SVIL: variants seen among roughly 807,000 people sequenced by gnomAD.
SVIL encodes archvillin.
A neutral mutation model predicts 240.4 loss-of-function variants in SVIL; 101 were observed. The observed-to-expected ratio is 0.42, with a 90% CI of 0.36 to 0.50. SVIL has a LOEUF of 0.50. SVIL is among the 20% of genes least tolerant of loss of function. The pLI, the probability that SVIL is intolerant of heterozygous loss-of-function variation, is 0.01. For synonymous variants in SVIL, 999 were observed against 1,100.0 expected (o/e 0.91, Z 1.82); for missense variants, 2,512 against 2,818.7 (o/e 0.89, Z 2.46).
intron 1 of SVIL, among the ~76,000 whole-genome samples, chr10:29,570,832 T>G (rs1216863502): frequency 1.3e-5 from 2 of 152,190 alleles, no homozygotes; most frequent in African/African-American, 4.8e-5. Context: ...CTCAATTAGA[T>G]ATTTAAAGTG....
At position 29,499,203 on chromosome 10, in the gene SVIL, C is replaced by G; in HGVS notation, c.3577G>C (p.Val1193Leu). ...CTCGTCTTCCAGGCCTCCTCTCTCA[C>G]AGTGATGAGCTGCTTCCTCTCCTCA... ...TIEERKQLIT[V>L]REEAWKTRGR... is the part of the protein sequence containing the mutation. The change falls in exon 18 of 38, where the codon GTG becomes CTG. Residue 1193 changes from valine to leucine, a missense_variant. By Grantham distance (32) the Val-to-Leu change is conservative. This residue lies in a region of SVIL where 272 missense variants were observed against 406.8 expected (regional missense o/e 0.67). Transcript: ENST00000355867. 2 of 1,614,222 alleles carry G rather than the reference C, an allele frequency of 1.2e-6. No homozygotes were observed. Among genetic ancestry groups the G allele is most frequent in the Non-Finnish European group, 1.7e-6 (2 of 1,180,050 alleles).
At chr10:29,587,738 G>A (rs529755311) in intron 1 of SVIL, among the ~76,000 whole-genome samples, 5 of 152,224 alleles carry the variant, frequency 3.3e-5, no homozygotes, top group African/African-American at 1.2e-4. Context: ...TTCAATCTCC[G>A]AGACTCCCTG....
intron 1 of SVIL, chr10:29,602,356 G>A (rs773301852): frequency 3.9e-5 from 20 of 515,170 alleles, no homozygotes; most frequent in Middle Eastern, 3.2e-4. Context: ...CCAACATGCC[G>A]TACCTGCTTA....
intron 1 of SVIL, chr10:29,602,467 G>A: frequency 3.8e-6 from 1 of 263,794 alleles, no homozygotes. Context: ...AAAAGGCCTG[G>A]GCAGGTGAAG....
intron 1 of SVIL, among the ~76,000 whole-genome samples, chr10:29,717,030 C>T (rs540844960): frequency 6.6e-6 from 1 of 151,986 alleles, no homozygotes; most frequent in Non-Finnish European, 1.5e-5. Context: ...GAGATCGAGA[C>T]CATCCTGGCT....
At chr10:29,725,592 G>A (rs1238676224) in intron 1 of SVIL, among the ~76,000 whole-genome samples, 2 of 152,058 alleles carry the variant, frequency 1.3e-5, no homozygotes, top group East Asian at 1.9e-4. Context: ...CCTTCTGCAG[G>A]CCTGAAATAG....
intron 1 of SVIL, among the ~76,000 whole-genome samples, chr10:29,714,198 T>C (rs1963474445): frequency 6.6e-6 from 1 of 152,214 alleles, no homozygotes; most frequent in African/African-American, 2.4e-5. Flanking sequence ...CAGAGGGCCA[T>C]TCCTTCATTT....
intron 3 of SVIL, among the ~76,000 whole-genome samples, chr10:29,653,777 T>C (rs1304943632): frequency 1.3e-5 from 2 of 152,200 alleles, no homozygotes; most frequent in Non-Finnish European, 2.9e-5. Context: ...GTTTCCCCAG[T>C]ACAATTTGTT....
At chr10:29,559,963 C>T (rs1013203893) in intron 3 of SVIL, among the ~76,000 whole-genome samples, 2 of 152,160 alleles carry the variant, frequency 1.3e-5, no homozygotes, top group East Asian at 3.8e-4. Context: ...CTTCCATTAG[C>T]TCTAAGAAAC....
intron 1 of SVIL, among the ~76,000 whole-genome samples, chr10:29,597,798 A>G (rs571785329): frequency 3.9e-5 from 6 of 152,078 alleles, no homozygotes; most frequent in Non-Finnish European, 7.4e-5. Flanking sequence ...TTTAGGAGGC[A>G]AGGACTGAAG....
rs1408317113 is a variant in SVIL at position 29,634,499 on chromosome 10, T to C, written c.-280A>G. On this transcript the variant is annotated 5_prime_UTR_variant, in exon 1 of 38. Coordinates refer to ENST00000355867, the MANE Select transcript of SVIL (RefSeq NM_021738.3). ...CACTGCAATTCCTTATTTTTCTAATTTAAAAAACAAAACAAAACACGTTAT... is the reference window on the plus strand; with the variant it reads ...CACTGCAATTCCTTATTTTTCTAATCTAAAAAACAAAACAAAACACGTTAT... 1 of 152,204 alleles carries C rather than the reference T, an allele frequency of 6.6e-6. No homozygotes were observed. The highest frequency in any genetic ancestry group is 1.5e-5 in the Non-Finnish European group (1 of 68,040). 9.4% of individuals were successfully genotyped at this position (152,204 alleles called of 1,614,324 possible). A position where few individuals can be genotyped will look rare whatever the true frequency, so the allele number is the denominator to read the frequency against.
chr10:29,586,236 GA>G (rs1376362994), intron 1 of SVIL, among the ~76,000 whole-genome samples: 3 of 152,208 alleles, frequency 2.0e-5, no homozygotes, highest in African/African-American at 7.2e-5. Context: ...TTTGAGGAGA[GA>G]AATGTACGAT....
At chr10:29,534,419 C>T (rs1951599342) in intron 7 of SVIL, among the ~76,000 whole-genome samples, 1 of 152,142 alleles carries the variant, frequency 6.6e-6, no homozygotes, top group Admixed American at 6.5e-5. Context: ...AGGAGGCCCA[C>T]TTGAATCCAG....
intron 1 of SVIL, chr10:29,576,016 G>T: frequency 1.4e-6 from 1 of 697,646 alleles, no homozygotes; most frequent in Non-Finnish European, 1.8e-6. Context: ...CTTGCAATTG[G>T]GGTATAAATG....
chr10:29,547,017 G>A (rs1187604680), intron 6 of SVIL, among the ~76,000 whole-genome samples: 3 of 152,126 alleles, frequency 2.0e-5, no homozygotes, highest in Non-Finnish European at 4.4e-5. Context: ...CATATCAGAT[G>A]ACATTATTAT....
rs181789246 is a variant in SVIL, at chr10:29,491,481, C to T, written c.4020-462G>A. On this transcript the variant is annotated intron_variant, in intron 21 of 37. Transcript: ENST00000355867. ...CTCTTCGCTCGGCCTAAACTTTCTC[C>T]CTATGCAATAGCTTTCGGTCCCCTT... Among the ~76,000 whole-genome samples the T allele has an allele frequency of 4.4e-3, 663 of 152,332 alleles. 4 individuals are homozygous for T. The highest frequency in any genetic ancestry group is 0.016 in the African/African-American group (649 of 41,572).
intron 1 of SVIL, among the ~76,000 whole-genome samples, chr10:29,703,975 A>T (rs896461545): frequency 1.3e-5 from 2 of 151,870 alleles, no homozygotes; most frequent in African/African-American, 4.8e-5. Context: ...TAATTTTTTA[A>T]TTTTTTGTAG....
intron 29 of SVIL, among the ~76,000 whole-genome samples, chr10:29,477,016 C>T (rs1310619657): frequency 2.6e-5 from 4 of 152,128 alleles, no homozygotes; most frequent in Admixed American, 6.5e-5. Context: ...GTGCCCGCCA[C>T]TATGCCCAGC....
At chr10:29,508,907 C>T (rs752204085) in intron 17 of SVIL, among the ~76,000 whole-genome samples, 3 of 152,194 alleles carry the variant, frequency 2.0e-5, no homozygotes, top group African/African-American at 2.4e-5. Flanking sequence ...TCACAAAAGA[C>T]GTGGGAGCCA....
Sources: allele counts gnomAD v4.1 joint callset (sites outside exome capture counted in the v4.1 genomes callset), GRCh38; gene constraint gnomAD v4.1.1; regional missense constraint gnomAD v4.1.1; transcripts MANE v1.5; gene names NCBI Gene and HGNC (gene_info 2026-07-23, HGNC 2026-07-21).